XKR6: variants seen among roughly 807,000 people sequenced by gnomAD.
XKR6 encodes XK-related protein 6.
A neutral mutation model predicts 56.7 loss-of-function variants in XKR6; 22 were observed. The ratio of observed to expected loss-of-function variants is 0.39; its 90% CI spans 0.28 to 0.55. The LOEUF (loss-of-function observed/expected upper bound fraction) is 0.55. Ranked by LOEUF, XKR6 falls within the 20% of genes least tolerant of loss-of-function variation. XKR6 has a pLI of 0.66. For missense variants in XKR6, 852 were observed against 889.0 expected, an observed-to-expected ratio of 0.96 and a Z score of 0.53; for synonymous variants, 524 against 387.8, an observed-to-expected ratio of 1.35 and a Z score of -4.13.
At chr8:11,042,351 C>A (rs1281219131) in intron 1 of XKR6, among the ~76,000 whole-genome samples, 1 of 151,996 alleles carries the variant, frequency 6.6e-6, no homozygotes, top group African/African-American at 2.4e-5. Flanking sequence ...CCCCACATGT[C>A]ATGGGAGGGA....
chr8:11,024,375 A>G (rs1798816230), intron 1 of XKR6, among the ~76,000 whole-genome samples: 2 of 152,034 alleles, frequency 1.3e-5, no homozygotes, highest in Admixed American at 6.5e-5. Context: ...CAACCTCCAC[A>G]TCTGTCTCCT....
chr8:10,899,979 G>A (rs185198432), intron 2 of XKR6, among the ~76,000 whole-genome samples: 12 of 152,204 alleles, frequency 7.9e-5, no homozygotes, highest in Admixed American at 5.2e-4. Flanking sequence ...TACAATCTCC[G>A]TTTAAGCAAG....
intron 1 of XKR6, among the ~76,000 whole-genome samples, chr8:11,139,891 G>C (rs1800600508): frequency 6.6e-6 from 1 of 152,142 alleles, no homozygotes; most frequent in Non-Finnish European, 1.5e-5. Flanking sequence ...GACAAGGAAA[G>C]CACACTGAAG....
intron 1 of XKR6, among the ~76,000 whole-genome samples, chr8:11,010,283 C>T (rs1037271469): frequency 3.3e-5 from 5 of 152,288 alleles, no homozygotes; most frequent in South Asian, 4.2e-4. Flanking sequence ...AACCTCCCAC[C>T]GGGCCCCTCT....
At chr8:10,904,255 G>A (rs913543894) in intron 2 of XKR6, among the ~76,000 whole-genome samples, 1 of 152,188 alleles carries the variant, frequency 6.6e-6, no homozygotes, top group Non-Finnish European at 1.5e-5. Flanking sequence ...CCACTGGCTG[G>A]GAAGTCTCTG....
chr8:10,948,372 T>C (rs571994099), intron 1 of XKR6, among the ~76,000 whole-genome samples: 49 of 152,332 alleles, frequency 3.2e-4, no homozygotes, highest in Admixed American at 2.1e-3. Context: ...CTGTGTGTGC[T>C]GAGACTTAGG....
At chr8:11,008,212 T>C (rs186392503) in intron 1 of XKR6, among the ~76,000 whole-genome samples, 1 of 152,236 alleles carries the variant, frequency 6.6e-6, no homozygotes, top group East Asian at 1.9e-4. Flanking sequence ...CTCTAGCTTG[T>C]CTTCCCCAAT....
intron 1 of XKR6, chr8:11,114,196 T>C: frequency 2.8e-6 from 1 of 352,200 alleles, no homozygotes; most frequent in Non-Finnish European, 5.4e-6. Context: ...CACAGAAAAA[T>C]GAAAATGTAC....
chr8:11,127,527 C>A (rs774967873), intron 1 of XKR6, among the ~76,000 whole-genome samples: 14 of 152,312 alleles, frequency 9.2e-5, no homozygotes, highest in Non-Finnish European at 1.8e-4. Flanking sequence ...CACTCCCTGG[C>A]CTTTTCCAGC....
In XKR6 at chr8:11,066,535, T is replaced by C. The variant is rs949257995; in HGVS notation, c.764+134041A>G. 5.9e-5 allele frequency among the ~76,000 whole-genome samples: 9 copies of C among 152,260 alleles called. 1 individual carries two copies. Among genetic ancestry groups the C allele is most frequent in the African/African-American group, 9.6e-5 (4 of 41,536 alleles). On this transcript the variant is annotated intron_variant, in intron 1 of 2. Transcript: ENST00000416569. The stretch of plus-strand genomic sequence containing the variant: ...AGCCTTGGTTTTCACATTTATCCAA[T>C]AGAGACGTCACCCGCCCAGGCTGAC...
intron 1 of XKR6, among the ~76,000 whole-genome samples, chr8:11,168,624 G>T (rs774417943): frequency 6.6e-6 from 1 of 152,136 alleles, no homozygotes; most frequent in Admixed American, 6.5e-5. Flanking sequence ...ATACTCTCCA[G>T]AAGAGACTAT....
chr8:11,199,857 A>G (rs1481958840), intron 1 of XKR6, among the ~76,000 whole-genome samples: 1 of 152,232 alleles, frequency 6.6e-6, no homozygotes, highest in Non-Finnish European at 1.5e-5. Context: ...ATAGGTATCC[A>G]GGTGGCTTTA....
At chr8:11,173,434 C>A (rs888898611) in intron 1 of XKR6, among the ~76,000 whole-genome samples, 1 of 151,158 alleles carries the variant, frequency 6.6e-6, no homozygotes, top group African/African-American at 2.4e-5. Flanking sequence ...TATATAACAG[C>A]TCCCAGAGAA....
intron 1 of XKR6, among the ~76,000 whole-genome samples, chr8:11,100,939 G>A (rs771045169): frequency 3.3e-5 from 5 of 152,192 alleles, no homozygotes; most frequent in East Asian, 1.9e-4. Flanking sequence ...AGGTGGTGCC[G>A]GAGGAAGTGG....
chr8:11,034,916 T>C (rs1368727542), intron 1 of XKR6, among the ~76,000 whole-genome samples: 2 of 152,226 alleles, frequency 1.3e-5, no homozygotes, highest in Admixed American at 6.5e-5. Flanking sequence ...TGCGGTGTGA[T>C]ACTAATGTAC....
chr8:11,200,652 C>T lies in XKR6; in HGVS notation c.688G>A (p.Ala230Thr). ...PGVRVSPTPG[A>T]QRLCRLSVWI... ...ACGGAGAGGCGACACAGGCGCTGCGCCCCCGGCGTGGGGGAGACCCTCACG... is the reference window on the plus strand; with the variant it reads ...ACGGAGAGGCGACACAGGCGCTGCGTCCCCGGCGTGGGGGAGACCCTCACG... Residue 230 changes from alanine to threonine, a missense_variant, in exon 1 of 3, where the codon GCG (alanine) becomes ACG (threonine). Ala to Thr is a moderately conservative substitution (Grantham distance 58). Transcript: ENST00000416569. The surrounding 1 kb of genome is among the most constrained non-coding windows in gnomAD (Gnocchi z 6.4). The T allele has an allele frequency of 6.4e-7, 1 of 1,551,248 alleles. No homozygotes were observed. The highest frequency in any genetic ancestry group is 8.6e-7 in the Non-Finnish European group (1 of 1,160,066).
intron 1 of XKR6, among the ~76,000 whole-genome samples, chr8:11,051,860 C>T (rs747934713): frequency 1.5e-4 from 23 of 152,158 alleles, no homozygotes; most frequent in South Asian, 6.2e-4. Flanking sequence ...ACAAACAAAA[C>T]GGGATACACG....
chr8:11,193,676 C>G (rs1803706255), intron 1 of XKR6, among the ~76,000 whole-genome samples: 2 of 150,576 alleles, frequency 1.3e-5, no homozygotes, highest in Admixed American at 6.6e-5. Flanking sequence ...CAAACACTAA[C>G]TTTTCAAAGT....
At chr8:11,057,203 T>C (rs1799707634) in intron 1 of XKR6, among the ~76,000 whole-genome samples, 1 of 152,212 alleles carries the variant, frequency 6.6e-6, no homozygotes, top group Admixed American at 6.5e-5. Flanking sequence ...CATCAATTAC[T>C]CTATAAGGAG....
Sources: allele counts gnomAD v4.1 joint callset (sites outside exome capture counted in the v4.1 genomes callset), GRCh38; gene constraint gnomAD v4.1.1; non-coding constraint Gnocchi (gnomAD v3.1); transcripts MANE v1.5; gene names NCBI Gene and HGNC (gene_info 2026-07-23, HGNC 2026-07-21).